RASSF4: variants seen among roughly 807,000 people sequenced by gnomAD.
RASSF4 encodes the protein Ras association domain family member 4, also known as ras association domain-containing protein 4.
Under a neutral mutation model 41.1 loss-of-function variants are expected in RASSF4, and 38 were observed. The ratio of observed to expected loss-of-function variants is 0.92; its 90% CI spans 0.71 to 1.21. RASSF4 has a LOEUF of 1.21. Ranked by LOEUF, RASSF4 falls within the 50% of genes most tolerant of loss-of-function variation. The probability of loss-of-function intolerance (pLI) is 0.00; values close to 1 mark genes in which losing one functional copy is unlikely to be tolerated. For synonymous variants in RASSF4, 179 were observed against 163.4 expected (o/e 1.10, Z -0.73); for missense variants, 414 against 419.4 (o/e 0.99, Z 0.11).
intron 3 of RASSF4, among the ~76,000 whole-genome samples, chr10:44,975,115 G>A (rs1394314072): frequency 1.3e-5 from 2 of 151,894 alleles, no homozygotes; most frequent in Non-Finnish European, 2.9e-5. Context: ...GCTCCGGGGC[G>A]CCCCCTGGTG....
At chr10:44,987,626 C>CTT (rs34115822) in intron 6 of RASSF4, among the ~76,000 whole-genome samples, 7,892 of 128,158 alleles carry the variant, frequency 0.062, 349 homozygotes, top group South Asian at 0.17. Context: ...AAAATGTGCA[C>CTT]TTTTTTTTTT....
chr10:44,985,951 G>A (rs1265050350), intron 6 of RASSF4, among the ~76,000 whole-genome samples: 1 of 152,196 alleles, frequency 6.6e-6, no homozygotes, highest in African/African-American at 2.4e-5. Context: ...AGGGGACCCA[G>A]GATTGAAGTT....
chr10:44,960,538 C>T (rs965479548), intron 1 of RASSF4, among the ~76,000 whole-genome samples: 40 of 152,358 alleles, frequency 2.6e-4, no homozygotes, highest in African/African-American at 7.7e-4. Flanking sequence ...CTGCCCTGCT[C>T]TTCTGGGCTC....
At chr10:44,963,927 G>C (rs564163580) in intron 1 of RASSF4, among the ~76,000 whole-genome samples, 1 of 152,222 alleles carries the variant, frequency 6.6e-6, no homozygotes, top group Admixed American at 6.5e-5. Flanking sequence ...TAAAATAAAA[G>C]GCTTTCAAGT....
At chr10:44,977,741 G>A (rs756486381) in intron 3 of RASSF4, 4 of 1,604,056 alleles carry the variant, frequency 2.5e-6, no homozygotes, top group East Asian at 2.2e-5. Flanking sequence ...ATCAGCCATG[G>A]GCAGTGTGGG....
intron 1 of RASSF4, among the ~76,000 whole-genome samples, chr10:44,960,708 G>A (rs1387986806): frequency 6.6e-6 from 1 of 152,208 alleles, no homozygotes; most frequent in African/African-American, 2.4e-5. Flanking sequence ...AGCTTCAGGA[G>A]CCCCATTTCA....
chr10:44,986,751 T>C (rs1488668486), intron 6 of RASSF4, among the ~76,000 whole-genome samples: 4 of 152,228 alleles, frequency 2.6e-5, no homozygotes, highest in Admixed American at 6.5e-5. Flanking sequence ...ATTGAAAAAA[T>C]AAATAATTCC....
intron 10 of RASSF4, among the ~76,000 whole-genome samples, chr10:44,992,611 G>A (rs999297054): frequency 6.6e-6 from 1 of 152,200 alleles, no homozygotes; most frequent in Admixed American, 6.5e-5. Flanking sequence ...GTGAAGTGTG[G>A]TCCAGGACTT....
intron 4 of RASSF4, chr10:44,982,970 C>T (rs536047113): frequency 8.7e-5 from 56 of 641,400 alleles, no homozygotes; most frequent in Admixed American, 2.1e-4. Flanking sequence ...CTATGCAAGC[C>T]GAACATGTCT....
At chr10:44,976,417 G>T (rs1248299410) in intron 3 of RASSF4, 4 of 152,304 alleles carry the variant, frequency 2.6e-5, no homozygotes, top group African/African-American at 9.6e-5. Context: ...ACAGAGCAAG[G>T]AGGTGGCAGA....
intron 6 of RASSF4, among the ~76,000 whole-genome samples, chr10:44,988,068 T>G (rs1374036917): frequency 6.6e-6 from 1 of 152,038 alleles, no homozygotes; most frequent in African/African-American, 2.4e-5. Context: ...GAATCTAAAC[T>G]TGAGTTTGAA....
chr10:44,971,708 G>A (rs1381860334), intron 2 of RASSF4, 65 bp from the exon 3 acceptor site: 4 of 1,281,976 alleles, frequency 3.1e-6, no homozygotes, highest in Non-Finnish European at 4.6e-6. Flanking sequence ...GGCCAGGGAA[G>A]CCAAAGGCCA....
At chr10:44,964,519 C>T (rs1047358584) in intron 1 of RASSF4, among the ~76,000 whole-genome samples, 8 of 152,246 alleles carry the variant, frequency 5.3e-5, no homozygotes, top group Non-Finnish European at 8.8e-5. Flanking sequence ...GCCTGGGTGG[C>T]AGGCCAGCCC....
rs557963414 is a variant in RASSF4 at position 44,971,347 on chromosome 10, G to A, written c.63-426G>A. 100 of 379,022 alleles carry A rather than the reference G, an allele frequency of 2.6e-4. 2 individuals are homozygous for A. The highest frequency in any genetic ancestry group is 1.0e-3 in the South Asian group (53 of 51,486). The allele number at this position is 379,022 out of a possible 1,614,324, so 23.5% of individuals were successfully genotyped here. A position where few individuals can be genotyped will look rare whatever the true frequency, so the allele number is the denominator to read the frequency against. On this transcript the variant is annotated intron_variant, in intron 2 of 10. Transcript: ENST00000340258. ...AAGCAGGCACCCCTCAGGGTGGCCC[G>A]CAGCAGCCACAGCAGGCCTTGTAGG...
intron 10 of RASSF4, 102 bp downstream of exon 10, chr10:44,992,104 A>T: frequency 1.4e-6 from 1 of 715,326 alleles, no homozygotes; most frequent in Non-Finnish European, 2.4e-6. Context: ...CTCCATGGGC[A>T]CCAGTACCCT....
At chr10:44,967,462 C>T (rs981869200) in intron 1 of RASSF4, among the ~76,000 whole-genome samples, 3 of 152,192 alleles carry the variant, frequency 2.0e-5, no homozygotes, top group Non-Finnish European at 2.9e-5. Context: ...TGAAATATAG[C>T]CCAGAAAAAT....
At chr10:44,978,564 TAAAC>T (rs1484689545) in intron 3 of RASSF4, 2 of 152,476 alleles carry the variant, frequency 1.3e-5, no homozygotes, top group African/African-American at 4.8e-5. Flanking sequence ...CCCTCAAAAA[TAAAC>T]AAAGCCCTTG....
chr10:44,969,907 A>C (rs1267887554), intron 1 of RASSF4, among the ~76,000 whole-genome samples: 1 of 152,104 alleles, frequency 6.6e-6, no homozygotes. Context: ...ATTCCTGGGG[A>C]TTATGGAGAG....
At chr10:44,961,765 C>T (rs1840720422) in intron 1 of RASSF4, among the ~76,000 whole-genome samples, 1 of 152,218 alleles carries the variant, frequency 6.6e-6, no homozygotes, top group Admixed American at 6.5e-5. Context: ...ACTGGACTTG[C>T]TTAAGGTAAC....
Sources: gnomAD v4.1 joint callset for allele counts (sites outside exome capture counted in the v4.1 genomes callset) on GRCh38, gnomAD v4.1.1 for gene constraint, MANE v1.5 for transcripts, NCBI Gene and HGNC (gene_info 2026-07-23, HGNC 2026-07-21) for gene names.